SNED1: variants seen among roughly 807,000 people sequenced by gnomAD.
SNED1 encodes the protein sushi, nidogen and EGF like domains 1.
Under a neutral mutation model 166.7 loss-of-function variants are expected in SNED1, and 81 were observed. That is an observed-to-expected ratio of 0.49 (90% CI 0.41 to 0.58). The LOEUF is 0.58. SNED1 is among the 20% of genes least tolerant of loss of function. The probability of loss-of-function intolerance (pLI) is 0.00; values close to 1 mark genes in which losing one functional copy is unlikely to be tolerated. For missense variants in SNED1, 1,604 were observed against 2,000.2 expected (o/e 0.80, Z 3.78); for synonymous variants, 762 against 822.0 (o/e 0.93, Z 1.25).
rs1368646491 is a variant in SNED1, at chr2:240,999,272, G to A, written c.213+222G>A. 6.7e-6 allele frequency among the ~76,000 whole-genome samples: 1 copy of A among 150,138 alleles called. No individual in the cohort carries two copies. The highest frequency in any genetic ancestry group is 1.5e-5 in the Non-Finnish European group (1 of 67,296). ...GGGGGCGGCAGCCGCCGGGCACCGA[G>A]GCGGGGGCGAGTGGAGCGCGGCGCC... On this transcript the variant is annotated intron_variant, in intron 1 of 31. Coordinates refer to ENST00000310397, the MANE Select transcript of SNED1 (RefSeq NM_001080437.3). The surrounding 1 kb of genome is among the most constrained non-coding windows in gnomAD (Gnocchi z 5.8).
intron 29 of SNED1, among the ~76,000 whole-genome samples, chr2:241,085,383 A>G (rs924060477): frequency 2.6e-5 from 4 of 152,178 alleles, no homozygotes; most frequent in African/African-American, 9.7e-5. Flanking sequence ...ATCCTGTTCA[A>G]CAAAAGTTTT....
intron 1 of SNED1, among the ~76,000 whole-genome samples, chr2:241,011,141 T>G (rs111893578): frequency 0.1 from 6,646 of 63,912 alleles, 578 homozygotes; most frequent in African/African-American, 0.13. Flanking sequence ...GGTCTCCTGG[T>G]TCTCCTGGGT....
chr2:241,028,741 C>T lies in SNED1; in HGVS notation c.214-1543C>T, dbSNP rs185552246. Among the ~76,000 whole-genome samples, 8 of 152,164 alleles carry T rather than the reference C, an allele frequency of 5.3e-5. No homozygotes were observed. The East Asian group carries it at 1.5e-3, about 29-fold the overall frequency. ...GTCCTCCAATATTGTACTTCCTTTCCAAGATTGTTTTGACTACTCTGATAA... is the reference window on the plus strand; with the variant it reads ...GTCCTCCAATATTGTACTTCCTTTCTAAGATTGTTTTGACTACTCTGATAA... On this transcript the variant is annotated intron_variant, in intron 1 of 31. Coordinates refer to ENST00000310397, the MANE Select transcript of SNED1 (RefSeq NM_001080437.3).
At chr2:241,072,264 C>T (rs1290755472) in intron 26 of SNED1, 8 of 474,234 alleles carry the variant, frequency 1.7e-5, no homozygotes, top group Admixed American at 2.3e-5. Context: ...CCCGCCACTC[C>T]GAGTGTGGTC....
chr2:241,005,545 C>A (rs1350421292), intron 1 of SNED1, among the ~76,000 whole-genome samples: 2 of 152,056 alleles, frequency 1.3e-5, no homozygotes, highest in Admixed American at 1.3e-4. Context: ...GCTTGAAGGA[C>A]TTCCTCTAAT....
At chr2:241,036,483 T>C (rs2061373719) in intron 4 of SNED1, among the ~76,000 whole-genome samples, 1 of 152,042 alleles carries the variant, frequency 6.6e-6, no homozygotes, top group African/African-American at 2.4e-5. Flanking sequence ...TGCCAGTTTT[T>C]AGACCTGTCC....
At chr2:241,062,412 A>C (rs889522604) in intron 16 of SNED1, among the ~76,000 whole-genome samples, 3 of 152,202 alleles carry the variant, frequency 2.0e-5, no homozygotes, top group Admixed American at 2.0e-4. Context: ...TAAAACCAAG[A>C]TTTGTCCCAG....
At position 241,073,320 on chromosome 2, in the gene SNED1, G is replaced by A. The variant is rs201069621; in HGVS notation, c.3872G>A (p.Ser1291Asn). 6.8e-5 allele frequency: 107 copies of A among 1,574,542 alleles called. 1 individual carries two copies. In the African/African-American group the frequency reaches 1.2e-3, roughly 18 times the overall value. ...ATGGAGGAAGCCCCCAAGCGGGTCA[G>A]CCTGGCCCTCCAGCTCCCTGAACAC... The part of the protein sequence containing the change: ...ENMEEAPKRV[S>N]LALQLPEHGS... Residue 1291 changes from serine to asparagine, a missense_variant, in exon 27 of 32, where the codon AGC (serine) becomes AAC (asparagine). Around this residue, in one of 2 missense-constraint regions of SNED1, gnomAD observed 367 missense variants for 379.4 expected, o/e 0.97. Transcript: ENST00000310397. The surrounding 1 kb of genome is among the most constrained non-coding windows in gnomAD (Gnocchi z 6.6).
Position 241,081,940 on chromosome 2 carries a change from A to C in SNED1, c.4033+147A>C, listed in dbSNP as rs116058444. 0.013 allele frequency: 8,485 copies of C among 661,240 alleles called. 504 individuals carry two copies. The African/African-American group carries it at 0.13, about 10-fold the overall frequency. The allele number at this position is 661,240 out of a possible 1,614,324, so 41.0% of individuals were successfully genotyped here. ...GTCTGGTGCACGGGGCTGACCCCTG[A>C]GCCCCCAGGGGCTGCGCTGCTGCCC... is the stretch of plus-strand genomic sequence containing the variant. On this transcript the variant is annotated intron_variant, in intron 28 of 31. Coordinates refer to ENST00000310397, the MANE Select transcript of SNED1 (RefSeq NM_001080437.3).
At chr2:241,084,318 G>T (rs1357917663) in intron 29 of SNED1, among the ~76,000 whole-genome samples, 1 of 151,830 alleles carries the variant, frequency 6.6e-6, no homozygotes, top group African/African-American at 2.4e-5. Flanking sequence ...TGTATTTTTA[G>T]TAGAGACAAA....
In SNED1 at chr2:241,068,048, G is replaced by C; in HGVS notation, c.3194+101G>C. 8.9e-7 allele frequency: 1 copy of C among 1,117,582 alleles called. No homozygotes were observed. Among genetic ancestry groups the C allele is most frequent in the Non-Finnish European group, 1.3e-6 (1 of 796,932 alleles). The allele number at this position is 1,117,582 out of a possible 1,614,324, so 69.2% of individuals were successfully genotyped here. ...CGGGCACATTCTCCGTGTGTGGACTGTACCACCTGCCGCTCCTCACCTGAG... is the reference window on the plus strand; with the variant it reads ...CGGGCACATTCTCCGTGTGTGGACTCTACCACCTGCCGCTCCTCACCTGAG... On this transcript the variant is annotated intron_variant, in intron 22 of 31. Transcript: ENST00000310397. The surrounding 1 kb of genome is among the most constrained non-coding windows in gnomAD (Gnocchi z 5.3).
At chr2:241,038,012 C>A (rs527754037) in intron 6 of SNED1, among the ~76,000 whole-genome samples, 2 of 152,082 alleles carry the variant, frequency 1.3e-5, no homozygotes, top group Non-Finnish European at 2.9e-5. Context: ...GCCCTTCCCC[C>A]GGCACCTCTT....
At chr2:241,053,090 A>G in intron 15 of SNED1, 63 bp from the exon 16 acceptor site, 2 of 1,505,684 alleles carry the variant, frequency 1.3e-6, no homozygotes, top group Non-Finnish European at 9.0e-7. Context: ...GGGCAGAGGC[A>G]GGGCGGTGGG....
chr2:241,087,670 G>C (rs574785154), intron 30 of SNED1, 195 bp downstream of exon 30: 1 of 1,379,234 alleles, frequency 7.3e-7, no homozygotes, highest in Admixed American at 3.4e-5. Context: ...AGCATACCCA[G>C]AGGGGCACAG....
Position 241,069,065 on chromosome 2 carries a change from T to C in SNED1, c.3307+42T>C, listed in dbSNP as rs538315467. ...GGCCCCCGGCACACGAAAGGCCGTC[T>C]TCTAGAAGCTCTGGCTTCCTTCCAG... On this transcript the variant is annotated intron_variant, in intron 23 of 31. Transcript: ENST00000310397. This position sits in a 1 kb window ranked among gnomAD's most constrained non-coding sequence, Gnocchi z 4.9. 1.7e-5 allele frequency: 23 copies of C among 1,368,574 alleles called. No individual in the cohort carries two copies. The East Asian group carries it at 5.5e-4, about 33-fold the overall frequency. 84.8% of individuals were successfully genotyped at this position (1,368,574 alleles called of 1,614,324 possible).
At chr2:241,036,381 C>T (rs959768482) in intron 4 of SNED1, among the ~76,000 whole-genome samples, 1 of 152,074 alleles carries the variant, frequency 6.6e-6, no homozygotes, top group African/African-American at 2.4e-5. Flanking sequence ...ACACCCCCTG[C>T]GTGGCCCGCC....
intron 1 of SNED1, among the ~76,000 whole-genome samples, chr2:241,007,924 C>T (rs1013984137): frequency 2.0e-5 from 3 of 152,238 alleles, no homozygotes; most frequent in African/African-American, 7.2e-5. Context: ...CTCTCTTTCC[C>T]TCCCTTGCAA....
At position 241,088,842 on chromosome 2, in the gene SNED1, G is replaced by A. The variant is rs557464418; in HGVS notation, c.*1+440G>A. The A allele has an allele frequency of 6.4e-5, 14 of 218,174 alleles. No individual in the cohort carries two copies. The East Asian group carries it at 1.7e-3, about 26-fold the overall frequency. The allele number at this position is 218,174 out of a possible 1,614,324, so 13.5% of individuals were successfully genotyped here. On this transcript the variant is annotated intron_variant, in intron 31 of 31. Coordinates refer to ENST00000310397, the MANE Select transcript of SNED1 (RefSeq NM_001080437.3). Reference sequence around the variant, plus strand: ...TCCGGGGGCTCCAGGAGAGGGCTGAGAGAGTGCCTCCCAGATCTTGTGAAC... The same window carrying A: ...TCCGGGGGCTCCAGGAGAGGGCTGAAAGAGTGCCTCCCAGATCTTGTGAAC...
intron 2 of SNED1, among the ~76,000 whole-genome samples, chr2:241,030,975 T>C (rs2061149652): frequency 1.3e-5 from 2 of 152,156 alleles, no homozygotes; most frequent in South Asian, 4.1e-4. Context: ...TGATGAGTTA[T>C]GGTGGGCTGA....
Sources: allele counts gnomAD v4.1 joint callset (sites outside exome capture counted in the v4.1 genomes callset), GRCh38; gene constraint gnomAD v4.1.1; regional missense constraint gnomAD v4.1.1; non-coding constraint Gnocchi (gnomAD v3.1); transcripts MANE v1.5; gene names NCBI Gene and HGNC (gene_info 2026-07-23, HGNC 2026-07-21).